The following LRP1B variants were observed in gnomAD, a reference collection of about 807,000 sequenced individuals.
LRP1B encodes the protein LDL receptor related protein 1B, also known as low-density lipoprotein receptor-related protein 1B.
Under a neutral mutation model 556.6 loss-of-function variants are expected in LRP1B, and 217 were observed. That is an observed-to-expected ratio of 0.39 (90% CI 0.35 to 0.44). The LOEUF (loss-of-function observed/expected upper bound fraction) is 0.44, where lower values mean the gene tolerates loss of function less well. LRP1B is among the 20% of genes least tolerant of loss of function. The probability of loss-of-function intolerance (pLI) is 1.00; values close to 1 mark genes in which losing one functional copy is unlikely to be tolerated. For synonymous variants in LRP1B, 2,047 were observed against 1,865.8 expected (o/e 1.10, Z -2.50); for missense variants, 5,053 against 5,620.8 (o/e 0.90, Z 3.23).
chr2:141,934,266 A>C (rs1700577372), intron 1 of LRP1B, among the ~76,000 whole-genome samples: 1 of 152,082 alleles, frequency 6.6e-6, no homozygotes, highest in Admixed American at 6.6e-5. Flanking sequence ...GAGAAAAGTT[A>C]AGAGCAATGG....
chr2:141,984,712 T>C (rs935476925), intron 1 of LRP1B, among the ~76,000 whole-genome samples: 4 of 152,116 alleles, frequency 2.6e-5, no homozygotes, highest in African/African-American at 9.7e-5. Flanking sequence ...CTCAAGAGAA[T>C]GTAATTTTTA....
intron 18 of LRP1B, among the ~76,000 whole-genome samples, chr2:140,957,113 T>C (rs910525872): frequency 2.0e-5 from 3 of 151,716 alleles, no homozygotes; most frequent in African/African-American, 4.8e-5. Flanking sequence ...ATCTGATAGA[T>C]GTTATTTTAT....
chr2:141,274,521 A>G (rs1685209315), intron 3 of LRP1B, among the ~76,000 whole-genome samples: 1 of 152,198 alleles, frequency 6.6e-6, no homozygotes, highest in Admixed American at 6.5e-5. Context: ...GAGAAAAAGT[A>G]GAATGGTTGT....
At chr2:140,986,311 A>G in intron 17 of LRP1B, among the ~76,000 whole-genome samples, 1 of 152,108 alleles carries the variant, frequency 6.6e-6, no homozygotes, top group East Asian at 1.9e-4. Flanking sequence ...AGCACAAGAC[A>G]ATGAAAATTT....
intron 51 of LRP1B, among the ~76,000 whole-genome samples, chr2:140,514,385 A>G (rs1445736118): frequency 6.6e-6 from 1 of 151,890 alleles, no homozygotes; most frequent in Non-Finnish European, 1.5e-5. Context: ...ATTTGCTTCA[A>G]AGAATTCACC....
rs1265586141 is a variant in LRP1B, at chr2:140,471,319, C to T, written c.9625+3819G>A. Among the ~76,000 whole-genome samples, 5 of 152,026 alleles carry T rather than the reference C, an allele frequency of 3.3e-5. 1 individual carries two copies. The highest frequency in any genetic ancestry group is 1.2e-4 in the African/African-American group (5 of 41,394). On this transcript the variant is annotated intron_variant, in intron 60 of 90. Transcript: ENST00000389484. ...ATGTTTAAATACGTCTTTAGAATAG[C>T]ACTTTTGCTCTTAAAATTAACGCAT...
At chr2:140,657,552 CAT>C (rs199992635) in intron 41 of LRP1B, among the ~76,000 whole-genome samples, 1 of 146,590 alleles carries the variant, frequency 6.8e-6, no homozygotes. Flanking sequence ...ATAGATATTT[CAT>C]ATATATATAT....
chr2:140,841,014 G>A lies in LRP1B; in HGVS notation c.5018C>T (p.Thr1673Met), dbSNP rs199519370. 2.3e-4 allele frequency: 378 copies of A among 1,613,024 alleles called. No homozygotes were observed. The highest frequency in any genetic ancestry group is 3.1e-4 in the African/African-American group (23 of 74,962). The change falls in exon 30 of 91, where the codon ACG (threonine) becomes ATG (methionine). Residue 1673 changes from threonine (T) to methionine (M), a missense_variant. Physicochemically the swap from Thr to Met is moderately conservative, Grantham distance 81 (BLOSUM62 -1). Around this residue, in one of 5 missense-constraint regions of LRP1B, gnomAD observed 3,619 missense variants for 3,931.9 expected, o/e 0.92. Transcript: ENST00000389484. ...LYWISSEFDE[T>M]QINVARLDGS... ...ATCTAGCCTTGCCACATTAATTTGC[G>A]TTTCATCAAATTCTGAGCTAATCCA...
intron 1 of LRP1B, among the ~76,000 whole-genome samples, chr2:142,016,231 G>A (rs534179715): frequency 6.6e-6 from 1 of 152,216 alleles, no homozygotes; most frequent in African/African-American, 2.4e-5. Flanking sequence ...CTGTTGGTAG[G>A]AGCGTAAATT....
intron 41 of LRP1B, among the ~76,000 whole-genome samples, chr2:140,652,285 A>T (rs1337493166): frequency 6.6e-6 from 1 of 152,034 alleles, no homozygotes; most frequent in Non-Finnish European, 1.5e-5. Flanking sequence ...ATTCACAGAG[A>T]TAAATATTTA....
intron 41 of LRP1B, among the ~76,000 whole-genome samples, chr2:140,607,429 G>A (rs1163413087): frequency 6.6e-6 from 1 of 151,936 alleles, no homozygotes; most frequent in Non-Finnish European, 1.5e-5. Context: ...ATACCCAAGA[G>A]AAACGAAAAC....
chr2:140,762,441 A>T (rs1688959153), intron 35 of LRP1B, among the ~76,000 whole-genome samples: 1 of 152,160 alleles, frequency 6.6e-6, no homozygotes, highest in Non-Finnish European at 1.5e-5. Flanking sequence ...TACTCCTGTG[A>T]TGTAGTAAGT....
intron 3 of LRP1B, among the ~76,000 whole-genome samples, chr2:141,372,411 G>A (rs1317882107): frequency 1.3e-5 from 2 of 152,066 alleles, no homozygotes; most frequent in Admixed American, 6.6e-5. Context: ...ATGAGTTAGG[G>A]AGAACTCCCT....
chr2:141,116,468 A>G (rs12991370), intron 7 of LRP1B, among the ~76,000 whole-genome samples: 88,548 of 151,846 alleles, frequency 0.58, 27,040 homozygotes, highest in Middle Eastern at 0.77. Flanking sequence ...TCTAATAGCC[A>G]TATAATCATC....
In LRP1B at chr2:140,573,854, G is replaced by T. The variant is rs1681419468; in HGVS notation, c.7194+24777C>A. 2.6e-5 allele frequency among the ~76,000 whole-genome samples: 4 copies of T among 151,968 alleles called. No homozygotes were observed. The South Asian group carries it at 8.3e-4, about 31-fold the overall frequency. ...TTACAACCTGGAGGATGTTGGCCCGGCAATTCTCACACTTTGAACTATTTC... is the reference window on the plus strand; with the variant it reads ...TTACAACCTGGAGGATGTTGGCCCGTCAATTCTCACACTTTGAACTATTTC... On this transcript the variant is annotated intron_variant, in intron 43 of 90. Coordinates refer to ENST00000389484, the MANE Select transcript of LRP1B (RefSeq NM_018557.3).
At chr2:140,665,747 T>C (rs1441470) in intron 41 of LRP1B, among the ~76,000 whole-genome samples, 118,782 of 152,012 alleles carry the variant, frequency 0.78, 47,536 homozygotes, top group Non-Finnish European at 0.88. Flanking sequence ...GTATGTCATG[T>C]GGCCAACAGG....
chr2:141,569,125 G>C (rs1686441336), intron 2 of LRP1B, among the ~76,000 whole-genome samples: 1 of 150,876 alleles, frequency 6.6e-6, no homozygotes, highest in African/African-American at 2.4e-5. Context: ...ATTGGAGAAA[G>C]GAAAGTAAAT....
At chr2:141,883,560 AAAC>A (rs962282493) in intron 1 of LRP1B, among the ~76,000 whole-genome samples, 3 of 152,118 alleles carry the variant, frequency 2.0e-5, no homozygotes, top group African/African-American at 7.2e-5. Context: ...TCTCTACAGA[AAAC>A]AACAACAAAA....
chr2:141,586,592 T>C (rs905955872), intron 2 of LRP1B, among the ~76,000 whole-genome samples: 1 of 152,144 alleles, frequency 6.6e-6, no homozygotes, highest in African/African-American at 2.4e-5. Flanking sequence ...ATGTTTATAT[T>C]TGTACTCCAC....
Sources: allele counts gnomAD v4.1 joint callset (sites outside exome capture counted in the v4.1 genomes callset), GRCh38; gene constraint gnomAD v4.1.1; regional missense constraint gnomAD v4.1.1; transcripts MANE v1.5; gene names NCBI Gene and HGNC (gene_info 2026-07-23, HGNC 2026-07-21).